ZNF10: variants seen among roughly 807,000 people sequenced by gnomAD.
The protein encoded by ZNF10 is zinc finger protein 10 (KOX 1).
In ZNF10, 8 loss-of-function variants were observed where a neutral mutation model predicts 12.2. That is an observed-to-expected ratio of 0.66 (90% CI 0.39 to 1.18). ZNF10 has a LOEUF of 1.18. Ranked by LOEUF, ZNF10 falls within the 50% of genes most tolerant of loss-of-function variation. ZNF10 has a pLI of 0.01. For synonymous variants in ZNF10, 229 were observed against 228.2 expected, an observed-to-expected ratio of 1.00 and a Z score of -0.03; for missense variants, 603 against 678.9, an observed-to-expected ratio of 0.89 and a Z score of 1.24.
intron 2 of ZNF10, among the ~76,000 whole-genome samples, chr12:133,148,157 C>T (rs138389079): frequency 1.3e-5 from 2 of 152,002 alleles, no homozygotes; most frequent in Admixed American, 6.6e-5. Flanking sequence ...GTCTCATTCT[C>T]TCGTCTAGGC....
chr12:133,142,620 G>A (rs1955952576), intron 1 of ZNF10, among the ~76,000 whole-genome samples: 1 of 151,932 alleles, frequency 6.6e-6, no homozygotes, highest in Non-Finnish European at 1.5e-5. Context: ...CACTCGTTAG[G>A]GAAATGTAAA....
In ZNF10 at chr12:133,157,668, T is replaced by A. The variant is rs1208502622; in HGVS notation, c.*700T>A. 2.0e-5 allele frequency: 3 copies of A among 152,248 alleles called. No individual in the cohort carries two copies. In the East Asian group the frequency reaches 5.8e-4, roughly 29 times the overall value. The allele number at this position is 152,248 out of a possible 1,614,324, so 9.4% of individuals were successfully genotyped here. Reference sequence around the variant, plus strand: ...GTCTGTTTAATGTTGCTGTAATAATTATTTTAAGAAACTTTTAAATATTGT... The same window carrying A: ...GTCTGTTTAATGTTGCTGTAATAATAATTTTAAGAAACTTTTAAATATTGT... On this transcript the variant is annotated 3_prime_UTR_variant, in exon 5 of 5. Coordinates refer to ENST00000248211, the MANE Select transcript of ZNF10 (RefSeq NM_015394.5).
intron 1 of ZNF10, among the ~76,000 whole-genome samples, chr12:133,132,313 A>G (rs1334079058): frequency 7.1e-6 from 1 of 141,602 alleles, no homozygotes; most frequent in Non-Finnish European, 1.5e-5. Flanking sequence ...CTTGTTGCCC[A>G]TGCTGGAGTG....
intron 2 of ZNF10, among the ~76,000 whole-genome samples, chr12:133,145,405 A>G (rs2135461166): frequency 6.6e-6 from 1 of 152,224 alleles, no homozygotes; most frequent in Non-Finnish European, 1.5e-5. Context: ...CTTCTTTAAC[A>G]CGGTATTGTA....
chr12:133,133,431 T>G (rs1955891959), intron 1 of ZNF10, among the ~76,000 whole-genome samples: 1 of 152,240 alleles, frequency 6.6e-6, no homozygotes, highest in South Asian at 2.1e-4. Flanking sequence ...TGCTAAGCAC[T>G]TTGCTAGCCT....
intron 1 of ZNF10, among the ~76,000 whole-genome samples, chr12:133,137,957 A>G (rs919099005): frequency 6.6e-6 from 1 of 152,100 alleles, no homozygotes; most frequent in South Asian, 2.1e-4. Flanking sequence ...TACCTCAAGA[A>G]TGGTAGAAAC....
intron 4 of ZNF10, among the ~76,000 whole-genome samples, chr12:133,155,244 C>T (rs1162128083): frequency 6.6e-6 from 1 of 152,146 alleles, no homozygotes; most frequent in Non-Finnish European, 1.5e-5. Flanking sequence ...TTTCTACCCT[C>T]ACCATTGATA....
chr12:133,133,436 T>C (rs1249334190), intron 1 of ZNF10, among the ~76,000 whole-genome samples: 2 of 152,246 alleles, frequency 1.3e-5, no homozygotes, highest in Non-Finnish European at 2.9e-5. Context: ...AGCACTTTGC[T>C]AGCCTCTTCC....
At chr12:133,138,028 TGTAC>T (rs2135458087) in intron 1 of ZNF10, among the ~76,000 whole-genome samples, 1 of 138,188 alleles carries the variant, frequency 7.2e-6, no homozygotes, top group East Asian at 2.0e-4. Context: ...TACATTCATT[TGTAC>T]CAGGTGGAGC....
chr12:133,155,833 A>G lies in ZNF10; in HGVS notation c.587A>G (p.Lys196Arg). 6.2e-7 allele frequency: 1 copy of G among 1,613,782 alleles called. No individual in the cohort carries two copies. Among genetic ancestry groups the G allele is most frequent in the Non-Finnish European group, 8.5e-7 (1 of 1,179,880 alleles). Reference sequence around the variant, plus strand: ...CGTGACTCACATACTAAAAGTTTAAAACATGATTTAGTTCTTAATGGTCAT... The same window carrying G: ...CGTGACTCACATACTAAAAGTTTAAGACATGATTTAGTTCTTAATGGTCAT... ...HKRDSHTKSLKHDLVLNGHQD... is the reference protein window; with the variant it reads ...HKRDSHTKSLRHDLVLNGHQD... The change falls in exon 5 of 5, where the codon AAA becomes AGA. Residue 196 changes from lysine (K) to arginine (R), a missense_variant. By Grantham distance (26) the Lys-to-Arg change is conservative. Around this residue, in one of 3 missense-constraint regions of ZNF10, gnomAD observed 393 missense variants for 399.7 expected, o/e 0.98. Coordinates refer to ENST00000248211, the MANE Select transcript of ZNF10 (RefSeq NM_015394.5).
intron 2 of ZNF10, among the ~76,000 whole-genome samples, chr12:133,149,374 T>C (rs1955994936): frequency 6.8e-6 from 1 of 147,970 alleles, no homozygotes; most frequent in Admixed American, 6.7e-5. Flanking sequence ...TTTTTTTTTT[T>C]TTAGACAGGT....
chr12:133,152,387 G>A (rs1488951999), intron 4 of ZNF10, among the ~76,000 whole-genome samples: 1 of 152,058 alleles, frequency 6.6e-6, no homozygotes, highest in Non-Finnish European at 1.5e-5. Context: ...GCTGCTCACA[G>A]AAACACCAGT....
intron 1 of ZNF10, among the ~76,000 whole-genome samples, chr12:133,142,957 A>G (rs137884952): frequency 5.3e-5 from 8 of 152,350 alleles, no homozygotes; most frequent in Admixed American, 1.3e-4. Context: ...GTGTTCATCA[A>G]CAGATGAGTG....
intron 1 of ZNF10, among the ~76,000 whole-genome samples, chr12:133,142,410 CAAAAAAA>C (rs370374280): frequency 2.0e-4 from 22 of 108,644 alleles, no homozygotes; most frequent in African/African-American, 6.8e-4. Context: ...ACTCCGTCTC[CAAAAAAA>C]AAAAAAAAAA....
intron 1 of ZNF10, among the ~76,000 whole-genome samples, chr12:133,140,112 A>C (rs1287632847): frequency 6.9e-6 from 1 of 145,742 alleles, no homozygotes; most frequent in African/African-American, 2.5e-5. Flanking sequence ...CTGAGGCGGG[A>C]GGATCACTTG....
chr12:133,159,171 T>A lies in ZNF10; in HGVS notation c.*2203T>A, dbSNP rs959098739. 1.3e-5 allele frequency: 2 copies of A among 152,228 alleles called. No homozygotes were observed. Among genetic ancestry groups the A allele is most frequent in the African/African-American group, 2.4e-5 (1 of 41,472 alleles). 9.4% of individuals were successfully genotyped at this position (152,228 alleles called of 1,614,324 possible). ...CACATAGTAGGTGCCATTAATAATA[T>A]TACTATTGTTAACACCTTAAGGGTC... On this transcript the variant is annotated 3_prime_UTR_variant, in exon 5 of 5. Transcript: ENST00000248211.
rs1233322850 is a variant in ZNF10, at chr12:133,155,512, C to T, written c.266C>T (p.Thr89Ile). The T allele has an allele frequency of 1.3e-6, 2 of 1,587,964 alleles. No homozygotes were observed. Among genetic ancestry groups the T allele is most frequent in the South Asian group, 1.2e-5 (1 of 85,852 alleles). ...IHQETHPDSE[T>I]AFEIKSSVSS... ...TTTTCATTTCTTTCAGATTCAGAGACTGCATTTGAAATCAAATCATCAGTT... is the reference window on the plus strand; with the variant it reads ...TTTTCATTTCTTTCAGATTCAGAGATTGCATTTGAAATCAAATCATCAGTT... Residue 89 changes from threonine (T) to isoleucine (I), a missense_variant, in exon 5 of 5, where the codon ACT (threonine) becomes ATT (isoleucine). Physicochemically the swap from Thr to Ile is moderately conservative, Grantham distance 89 (BLOSUM62 -1). Coordinates refer to ENST00000248211, the MANE Select transcript of ZNF10 (RefSeq NM_015394.5).
At chr12:133,144,410 C>G (rs1955963836) in intron 1 of ZNF10, 24 bp from the exon 2 acceptor site, 1 of 1,483,092 alleles carries the variant, frequency 6.7e-7, no homozygotes, top group Non-Finnish European at 9.3e-7. Context: ...GCAAACTTAA[C>G]TTATGTTTCT....
intron 2 of ZNF10, among the ~76,000 whole-genome samples, chr12:133,148,750 G>GT (rs201972025): frequency 0.15 from 21,105 of 136,484 alleles, 2,193 homozygotes; most frequent in Non-Finnish European, 0.23. Context: ...ATTCAATGTT[G>GT]GTTTTTTTTT....
Sources: allele counts gnomAD v4.1 joint callset (sites outside exome capture counted in the v4.1 genomes callset), GRCh38; gene constraint gnomAD v4.1.1; regional missense constraint gnomAD v4.1.1; transcripts MANE v1.5; gene names NCBI Gene and HGNC (gene_info 2026-07-23, HGNC 2026-07-21).